Variants in WDR20 observed in about 807,000 individuals in gnomAD.
WDR20 encodes WD repeat domain 20.
In WDR20, 3 loss-of-function variants were observed where a neutral mutation model predicts 38.7. The ratio of observed to expected loss-of-function variants is 0.08; its 90% CI spans 0.04 to 0.20. The LOEUF (loss-of-function observed/expected upper bound fraction) is 0.20, where lower values mean the gene tolerates loss of function less well. Among genes scored for constraint, WDR20 ranks in the 10% least tolerant of loss-of-function variants. The probability of loss-of-function intolerance (pLI) is 1.00; values close to 1 mark genes in which losing one functional copy is unlikely to be tolerated. For missense variants in WDR20, 559 were observed against 727.7 expected (o/e 0.77, Z 2.67); for synonymous variants, 298 against 285.6 (o/e 1.04, Z -0.44).
In WDR20 at chr14:102,220,997, G is replaced by A. The variant is rs1002698367; in HGVS notation, c.1693-1833G>A. Reference sequence around the variant, plus strand: ...GGCCAGGCTGGTCTCAGACTCCTGGGCTCAAGTAATCTCCCCACCTCAGCC... The same window carrying A: ...GGCCAGGCTGGTCTCAGACTCCTGGACTCAAGTAATCTCCCCACCTCAGCC... On this transcript the variant is annotated intron_variant, in intron 3 of 3. Coordinates refer to the WDR20 transcript ENST00000335263. The surrounding 1 kb of genome is among the most constrained non-coding windows in gnomAD (Gnocchi z 4.2). Among the ~76,000 whole-genome samples the A allele has an allele frequency of 3.4e-4, 51 of 152,132 alleles. No homozygotes were observed. Among genetic ancestry groups the A allele is most frequent in the African/African-American group, 1.2e-3 (51 of 41,428 alleles).
chr14:102,164,039 A>T (rs943381213), intron 1 of WDR20, among the ~76,000 whole-genome samples: 9 of 152,132 alleles, frequency 5.9e-5, no homozygotes, highest in Non-Finnish European at 1.2e-4. Context: ...GCTTTCCTTG[A>T]TGTGGCAGCA....
chr14:102,142,789 T>TG (rs1249997985), intron 1 of WDR20, among the ~76,000 whole-genome samples: 2 of 150,306 alleles, frequency 1.3e-5, no homozygotes, highest in Non-Finnish European at 3.0e-5. Context: ...TTTTTTTTTT[T>TG]TTTTTTTTGG....
At chr14:102,146,726 C>A (rs1267165240) in intron 1 of WDR20, among the ~76,000 whole-genome samples, 1 of 152,052 alleles carries the variant, frequency 6.6e-6, no homozygotes, top group Non-Finnish European at 1.5e-5. Flanking sequence ...AAAAAATTTC[C>A]CCCCCACAGA....
intron 2 of WDR20, among the ~76,000 whole-genome samples, chr14:102,202,474 G>T (rs1444430129): frequency 7.3e-6 from 1 of 136,726 alleles, no homozygotes; most frequent in Non-Finnish European, 1.5e-5. Context: ...TCTGCCTCCC[G>T]AGTTCACACC....
At chr14:102,194,303 G>A (rs1014557791) in intron 1 of WDR20, among the ~76,000 whole-genome samples, 62 of 152,314 alleles carry the variant, frequency 4.1e-4, no homozygotes, top group African/African-American at 1.3e-3. Flanking sequence ...TTTGACCCAG[G>A]AAGGGAGCCA....
chr14:102,200,467 T>TTTTTTGTGTGTG (rs748066838), intron 2 of WDR20, among the ~76,000 whole-genome samples: 6 of 117,688 alleles, frequency 5.1e-5, no homozygotes, highest in African/African-American at 1.9e-4. Flanking sequence ...ATTTTTTTTT[T>TTTTTTGTGTGTG]TGTGTGTGTG....
At chr14:102,139,833 AG>A, upstream of WDR20, 1 of 1,540,914 alleles carries the variant, frequency 6.5e-7, no homozygotes, top group East Asian at 2.3e-5. Context: ...AGGAAGAGGC[AG>A]GGGGTGGGGG....
rs188286220 is a variant in WDR20 at position 102,148,412 on chromosome 14, C to T, written c.249+8240C>T. ...AAAATTAGCCAGGTGTGGTGGTGCA[C>T]GCCTGTGGCCCCAGCTATTCAGGTG... is the stretch of plus-strand genomic sequence containing the variant. On this transcript the variant is annotated intron_variant, in intron 1 of 2. Transcript: ENST00000342702. 1.9e-4 allele frequency among the ~76,000 whole-genome samples: 29 copies of T among 151,878 alleles called. 1 individual carries two copies. Among genetic ancestry groups the T allele is most frequent in the Admixed American group, 1.4e-3 (21 of 15,232 alleles).
At chr14:102,212,641 C>A, downstream of WDR20, 1 of 1,533,738 alleles carries the variant, frequency 6.5e-7, no homozygotes, top group South Asian at 1.2e-5. Context: ...GCGCCCTTCT[C>A]CTCGGCTGTG....
chr14:102,201,718 G>A (rs2060424933), intron 2 of WDR20, among the ~76,000 whole-genome samples: 2 of 152,164 alleles, frequency 1.3e-5, no homozygotes, highest in Admixed American at 6.5e-5. Context: ...TCTGTATTTC[G>A]TTTTGCTTTT....
chr14:102,160,355 C>G (rs569660038), intron 1 of WDR20, among the ~76,000 whole-genome samples: 28 of 152,268 alleles, frequency 1.8e-4, no homozygotes, highest in Non-Finnish European at 3.1e-4. Context: ...CTCCTTCCCC[C>G]TCCTAGCTCC....
intron 1 of WDR20, among the ~76,000 whole-genome samples, chr14:102,154,685 T>G (rs1437837685): frequency 6.6e-6 from 1 of 152,210 alleles, no homozygotes; most frequent in Admixed American, 6.5e-5. Context: ...GTTCGGTACC[T>G]AGAACAGTGC....
At chr14:102,193,124 GTTTT>G (rs1259186420) in intron 1 of WDR20, among the ~76,000 whole-genome samples, 1 of 145,726 alleles carries the variant, frequency 6.9e-6, no homozygotes, top group South Asian at 2.2e-4. Flanking sequence ...ATATTTGTAG[GTTTT>G]TTTTTTGTTT....
intron 1 of WDR20, among the ~76,000 whole-genome samples, chr14:102,164,950 A>G (rs562903030): frequency 6.6e-6 from 1 of 152,372 alleles, no homozygotes; most frequent in South Asian, 2.1e-4. Context: ...TATTCCTGTG[A>G]AAGCGCAAGT....
chr14:102,139,521 G>A, upstream of WDR20: 10 of 1,095,350 alleles, frequency 9.1e-6, no homozygotes, highest in Non-Finnish European at 1.1e-5. Flanking sequence ...GGAGACCGCT[G>A]AGGAGGCACC....
rs913502665 is a variant in WDR20, at chr14:102,222,975, G to C, written c.*92G>C. The C allele has an allele frequency of 1.5e-5, 23 of 1,527,106 alleles. No homozygotes were observed. Among genetic ancestry groups the C allele is most frequent in the Non-Finnish European group, 2.0e-5 (22 of 1,106,708 alleles). The allele number at this position is 1,527,106 out of a possible 1,614,324, so 94.6% of individuals were successfully genotyped here. A position where few individuals can be genotyped will look rare whatever the true frequency, so the allele number is the denominator to read the frequency against. On this transcript the variant is annotated 3_prime_UTR_variant, in exon 4 of 4. Transcript: ENST00000335263. The surrounding 1 kb of genome is among the most constrained non-coding windows in gnomAD (Gnocchi z 4.4). ...GAGCTGCGCCTGAGCCGTGCCAGCC[G>C]GCGGACCTCAGGCGGTGGACGTCGG...
At chr14:102,219,000 A>G (rs1337373352), downstream of WDR20, among the ~76,000 whole-genome samples, 1 of 151,938 alleles carries the variant, frequency 6.6e-6, no homozygotes, top group African/African-American at 2.4e-5. Flanking sequence ...GTAAAACCCC[A>G]CTCCCTCCCT....
downstream of WDR20, chr14:102,214,927 C>T (rs1279218923): frequency 1.0e-6 from 1 of 984,784 alleles, no homozygotes; most frequent in Non-Finnish European, 1.2e-6. Context: ...AGACTTACTA[C>T]ATACTTGATA....
downstream of WDR20, among the ~76,000 whole-genome samples, chr14:102,212,321 C>A (rs756863366): frequency 4.6e-5 from 7 of 152,184 alleles, no homozygotes; most frequent in African/African-American, 1.7e-4. Flanking sequence ...GGGGCCCCTT[C>A]GTTGTGTCTA....
Sources: gnomAD v4.1 joint callset for allele counts (sites outside exome capture counted in the v4.1 genomes callset) on GRCh38, gnomAD v4.1.1 for gene constraint, Gnocchi (gnomAD v3.1) non-coding constraint, MANE v1.5 for transcripts, NCBI Gene and HGNC (gene_info 2026-07-23, HGNC 2026-07-21) for gene names.